PDE3B: variants seen among roughly 807,000 people sequenced by gnomAD.
PDE3B encodes the protein phosphodiesterase 3B, also known as cGMP-inhibited 3',5'-cyclic phosphodiesterase 3B.
In PDE3B, 66 loss-of-function variants were observed where a neutral mutation model predicts 116.8. That is an observed-to-expected ratio of 0.56 (90% CI 0.46 to 0.69). PDE3B has a LOEUF of 0.69. Among genes scored for constraint, PDE3B ranks in the 30% least tolerant of loss-of-function variants. PDE3B has a pLI of 0.00. For synonymous variants in PDE3B, 595 were observed against 533.6 expected (o/e 1.12, Z -1.59); for missense variants, 1,384 against 1,368.1 (o/e 1.01, Z -0.18).
chr11:14,661,986 A>G (rs1853937085), intron 1 of PDE3B, among the ~76,000 whole-genome samples: 1 of 152,130 alleles, frequency 6.6e-6, no homozygotes, highest in Non-Finnish European at 1.5e-5. Flanking sequence ...GAGATCTGAG[A>G]ACGGGCAGAC....
At chr11:14,714,229 T>G (rs1003926394) in intron 1 of PDE3B, among the ~76,000 whole-genome samples, 6 of 148,464 alleles carry the variant, frequency 4.0e-5, no homozygotes, top group Non-Finnish European at 8.9e-5. Flanking sequence ...ACCGTATAAA[T>G]GTGTATATAT....
chr11:14,812,338 C>T (rs1859167581), intron 5 of PDE3B, among the ~76,000 whole-genome samples: 1 of 152,112 alleles, frequency 6.6e-6, no homozygotes, highest in African/African-American at 2.4e-5. Context: ...GAAAACATCT[C>T]TCAATAGATC....
chr11:14,788,350 A>T (rs895065819), intron 3 of PDE3B, among the ~76,000 whole-genome samples: 1 of 152,000 alleles, frequency 6.6e-6, no homozygotes, highest in Non-Finnish European at 1.5e-5. Flanking sequence ...CTCAACAAGG[A>T]TATTAACATA....
intron 1 of PDE3B, among the ~76,000 whole-genome samples, chr11:14,758,121 T>C (rs1421091911): frequency 2.6e-5 from 4 of 152,168 alleles, no homozygotes; most frequent in South Asian, 2.1e-4. Context: ...TGTAGATATG[T>C]GGCGTTATTT....
chr11:14,866,463 T>C (rs1590204115), intron 14 of PDE3B, among the ~76,000 whole-genome samples: 2 of 152,232 alleles, frequency 1.3e-5, no homozygotes, highest in East Asian at 3.8e-4. Flanking sequence ...TTAACTGCCA[T>C]GGACTTAGAA....
chr11:14,678,986 T>C (rs981160938), intron 1 of PDE3B, among the ~76,000 whole-genome samples: 1 of 152,188 alleles, frequency 6.6e-6, no homozygotes, highest in African/African-American at 2.4e-5. Context: ...AATTTCCAAT[T>C]CTAACATCAT....
At chr11:14,795,691 G>T (rs1858531189) in intron 4 of PDE3B, among the ~76,000 whole-genome samples, 1 of 152,104 alleles carries the variant, frequency 6.6e-6, no homozygotes, top group East Asian at 1.9e-4. Flanking sequence ...ATTAATCATA[G>T]AATCAGGGAG....
chr11:14,892,121 G>A, the PDE3B span: 2 of 1,611,714 alleles, frequency 1.2e-6, no homozygotes, highest in Middle Eastern at 1.8e-4. Flanking sequence ...TTCAGCAGCT[G>A]GCGGACCCCT....
rs143935645 is a variant in PDE3B, at chr11:14,786,554, A to G, written c.1147A>G (p.Ile383Val). Residue 383 changes from isoleucine (I) to valine (V), a missense_variant, in exon 3 of 16, where the codon ATT (isoleucine) becomes GTT (valine). Ile to Val is a conservative substitution (Grantham distance 29). This residue lies in a region of PDE3B where 956 missense variants were observed against 806.8 expected (regional missense o/e 1.18). Transcript: ENST00000282096. ...PPQVISSLRS[I>V]SSLMGAFSGS... is the part of the protein sequence containing the mutation. ...ACAAGTCATTTCCTCTCTACGGAGT[A>G]TTAGTAGCTTAATGGGTGCTTTCTC... The G allele has an allele frequency of 7.3e-5, 118 of 1,613,172 alleles. No individual in the cohort carries two copies. Among genetic ancestry groups the G allele is most frequent in the African/African-American group, 2.9e-4 (22 of 74,818 alleles).
At chr11:14,668,032 TAA>T (rs200897741) in intron 1 of PDE3B, among the ~76,000 whole-genome samples, 5 of 131,016 alleles carry the variant, frequency 3.8e-5, no homozygotes, top group Admixed American at 7.7e-5. Flanking sequence ...AATGCAAGAG[TAA>T]AAAAAAAAAA....
intron 1 of PDE3B, among the ~76,000 whole-genome samples, chr11:14,740,302 A>G (rs1856726018): frequency 6.6e-6 from 1 of 152,262 alleles, no homozygotes; most frequent in East Asian, 1.9e-4. Context: ...CTATTCAAGG[A>G]TTTGACTTCT....
At chr11:14,889,164 G>GTTTT in the PDE3B span, among the ~76,000 whole-genome samples, 1 of 140,174 alleles carries the variant, frequency 7.1e-6, no homozygotes. Flanking sequence ...AAGTCCAGTT[G>GTTTT]TTTTTTTTTT....
chr11:14,644,537 G>A lies in PDE3B; in HGVS notation c.462G>A (p.Leu154=), dbSNP rs1853318477. 1 of 1,603,826 alleles carries A rather than the reference G, an allele frequency of 6.2e-7. No homozygotes were observed. Among genetic ancestry groups the A allele is most frequent in the African/African-American group, 1.3e-5 (1 of 74,752 alleles). Residue 154 remains leucine, a synonymous_variant, in exon 1 of 16, where the codon CTG becomes CTA. Transcript: ENST00000282096. ...GPGRSCGSWW[L]LALPACCYLG... ...GCCGGAGCTGCGGCTCCTGGTGGCT[G>A]CTGGCGCTGCCCGCCTGCTGTTACC...
At chr11:14,885,908 A>T in the PDE3B span, 167 of 1,613,236 alleles carry the variant, frequency 1.0e-4, no homozygotes, top group Non-Finnish European at 1.3e-4. Flanking sequence ...CCAAGATCTA[A>T]ACTGAAGATC....
intron 1 of PDE3B, among the ~76,000 whole-genome samples, chr11:14,682,231 G>A (rs1037034994): frequency 6.6e-6 from 1 of 152,090 alleles, no homozygotes; most frequent in African/African-American, 2.4e-5. Context: ...ACATATAAGT[G>A]GACCTGTGCA....
intron 12 of PDE3B, among the ~76,000 whole-genome samples, chr11:14,849,653 C>G (rs1439754205): frequency 1.3e-5 from 2 of 152,122 alleles, no homozygotes; most frequent in Non-Finnish European, 2.9e-5. Context: ...AAAAAACACA[C>G]AACCCCATCA....
chr11:14,742,766 T>C (rs1459202602), intron 1 of PDE3B, among the ~76,000 whole-genome samples: 3 of 152,036 alleles, frequency 2.0e-5, no homozygotes, highest in Admixed American at 2.0e-4. Context: ...ATGGGGTCTT[T>C]GAGTGGACAT....
At chr11:14,840,506 C>T (rs1354912666) in intron 11 of PDE3B, among the ~76,000 whole-genome samples, 1 of 152,184 alleles carries the variant, frequency 6.6e-6, no homozygotes, top group African/African-American at 2.4e-5. Flanking sequence ...GTTCAGACTT[C>T]CATGACATTT....
At chr11:14,663,455 A>C (rs960715177) in intron 1 of PDE3B, among the ~76,000 whole-genome samples, 1 of 152,154 alleles carries the variant, frequency 6.6e-6, no homozygotes, top group Non-Finnish European at 1.5e-5. Context: ...TTCACACATA[A>C]CAATATTAAC....
Sources: allele counts gnomAD v4.1 joint callset (sites outside exome capture counted in the v4.1 genomes callset), GRCh38; gene constraint gnomAD v4.1.1; regional missense constraint gnomAD v4.1.1; transcripts MANE v1.5; gene names NCBI Gene and HGNC (gene_info 2026-07-23, HGNC 2026-07-21).